The following AP3S1 variants were observed in gnomAD, a reference collection of about 807,000 sequenced individuals.
The protein encoded by AP3S1 is adaptor related protein complex 3 subunit sigma 1, also known as AP-3 complex subunit sigma-1.
A neutral mutation model predicts 21.3 loss-of-function variants in AP3S1; 12 were observed. The ratio of observed to expected loss-of-function variants is 0.56; its 90% CI spans 0.36 to 0.91. The LOEUF (loss-of-function observed/expected upper bound fraction) is 0.91, where lower values mean the gene tolerates loss of function less well. AP3S1 is among the 40% of genes least tolerant of loss of function. The pLI is 0.01. For synonymous variants in AP3S1, 48 were observed against 78.4 expected (o/e 0.61, Z 2.05); for missense variants, 116 against 225.0 (o/e 0.52, Z 3.10).
chr5:115,900,478 C>T (rs1306546282), intron 4 of AP3S1, among the ~76,000 whole-genome samples: 1 of 152,154 alleles, frequency 6.6e-6, no homozygotes, highest in Non-Finnish European at 1.5e-5. Flanking sequence ...GTTCTAAACT[C>T]ATTTTATTCA....
chr5:115,903,176 A>T, intron 5 of AP3S1, 184 bp downstream of exon 5: 1 of 440,070 alleles, frequency 2.3e-6, no homozygotes, highest in South Asian at 2.6e-5. Context: ...TTCTCTACCC[A>T]ACAGCTTTGT....
intron 1 of AP3S1, among the ~76,000 whole-genome samples, chr5:115,849,082 A>G (rs555733738): frequency 1.2e-4 from 19 of 152,282 alleles, no homozygotes; most frequent in Middle Eastern, 3.4e-3. Context: ...TTTCCTGTCC[A>G]TATTCTTTCA....
At chr5:115,881,777 A>G (rs530841880) in intron 3 of AP3S1, among the ~76,000 whole-genome samples, 3 of 152,240 alleles carry the variant, frequency 2.0e-5, no homozygotes, top group Non-Finnish European at 2.9e-5. Context: ...CCTCCTGGAT[A>G]ATATCCTGAA....
chr5:115,880,829 T>C (rs540869041), intron 3 of AP3S1, among the ~76,000 whole-genome samples: 169 of 152,100 alleles, frequency 1.1e-3, no homozygotes, highest in Middle Eastern at 6.8e-3. Context: ...TATGTGGGAG[T>C]CTGAATCTCT....
At chr5:115,901,638 T>A (rs960379217) in intron 4 of AP3S1, among the ~76,000 whole-genome samples, 2 of 151,684 alleles carry the variant, frequency 1.3e-5, no homozygotes, top group Non-Finnish European at 2.9e-5. Flanking sequence ...CACTGCACCC[T>A]CCACTTCCCG....
At position 115,886,163 on chromosome 5, in the gene AP3S1, G is replaced by A. The variant is rs1054369192; in HGVS notation, c.274-8924G>A. Among the ~76,000 whole-genome samples the A allele has an allele frequency of 2.6e-5, 4 of 152,166 alleles. No individual in the cohort carries two copies. In the South Asian group the frequency reaches 6.2e-4, roughly 24 times the overall value. ...TTGATGATAAAAGTAGTTGCCTTATGGGATTACTGCAAAGGCTCAAATAAA... is the reference window on the plus strand; with the variant it reads ...TTGATGATAAAAGTAGTTGCCTTATAGGATTACTGCAAAGGCTCAAATAAA... On this transcript the variant is annotated intron_variant, in intron 3 of 5. Coordinates refer to ENST00000316788, the MANE Select transcript of AP3S1 (RefSeq NM_001284.4).
At chr5:115,862,668 G>T (rs538978061) in intron 1 of AP3S1, among the ~76,000 whole-genome samples, 1 of 152,314 alleles carries the variant, frequency 6.6e-6, no homozygotes, top group South Asian at 2.1e-4. Flanking sequence ...GCTGTGTGAT[G>T]CTAATCATCT....
At chr5:115,882,067 C>G (rs985551016) in intron 3 of AP3S1, among the ~76,000 whole-genome samples, 2 of 151,918 alleles carry the variant, frequency 1.3e-5, no homozygotes, top group East Asian at 3.9e-4. Flanking sequence ...TTATGTTCCT[C>G]TCTAAACTGG....
intron 3 of AP3S1, among the ~76,000 whole-genome samples, chr5:115,883,021 A>T (rs549314858): frequency 6.6e-4 from 101 of 152,308 alleles, no homozygotes; most frequent in Non-Finnish European, 1.0e-3. Flanking sequence ...CCGCCTACTC[A>T]AGTCTCAATA....
chr5:115,895,180 C>T (rs766172822), intron 4 of AP3S1, 22 bp downstream of exon 4: 66 of 1,516,396 alleles, frequency 4.4e-5, no homozygotes, highest in Non-Finnish European at 5.8e-5. Context: ...ATTGTCACAT[C>T]TAAGCTTTTT....
At chr5:115,871,706 T>C (rs1367889187) in intron 3 of AP3S1, among the ~76,000 whole-genome samples, 2 of 152,090 alleles carry the variant, frequency 1.3e-5, no homozygotes, top group Non-Finnish European at 2.9e-5. Flanking sequence ...GTAACCATAT[T>C]TACCAGTCTC....
chr5:115,904,118 A>G (rs1031872863), intron 5 of AP3S1: 1 of 152,068 alleles, frequency 6.6e-6, no homozygotes, highest in African/African-American at 2.4e-5. Flanking sequence ...TATCTCATTC[A>G]CCACCCAACT....
Position 115,866,772 on chromosome 5 carries a change from C to T in AP3S1, c.161+11C>T. ...CCTAGAAGGAGGATTGTAAGTAAAG[C>T]ATTTCATAGACATTTCTAAGTTTTG... is the stretch of plus-strand genomic sequence containing the variant. On this transcript the variant is annotated intron_variant, in intron 2 of 5. Transcript: ENST00000316788. 3 of 1,540,656 alleles carry T rather than the reference C, an allele frequency of 1.9e-6. No homozygotes were observed. Among genetic ancestry groups the T allele is most frequent in the Non-Finnish European group, 2.7e-6 (3 of 1,120,700 alleles).
intron 3 of AP3S1, among the ~76,000 whole-genome samples, chr5:115,881,870 T>A (rs1303876874): frequency 6.6e-6 from 1 of 152,082 alleles, no homozygotes; most frequent in African/African-American, 2.4e-5. Flanking sequence ...TCATGTAGTG[T>A]CATATTTCTT....
In AP3S1 at chr5:115,896,104, T is replaced by G. The variant is rs193257223; in HGVS notation, c.345+946T>G. ...TTTAGCAAAAAAAATCCAGTGTGAT[T>G]TTTAAAAATTGGCTTTATTGAGGCA... On this transcript the variant is annotated intron_variant, in intron 4 of 5. Coordinates refer to ENST00000316788, the MANE Select transcript of AP3S1 (RefSeq NM_001284.4). Among the ~76,000 whole-genome samples the G allele has an allele frequency of 3.6e-3, 552 of 152,266 alleles. 1 individual carries two copies. The highest frequency in any genetic ancestry group is 0.013 in the African/African-American group (532 of 41,562).
chr5:115,869,790 T>G (rs948099667), intron 2 of AP3S1, among the ~76,000 whole-genome samples: 1 of 152,232 alleles, frequency 6.6e-6, no homozygotes, highest in African/African-American at 2.4e-5. Flanking sequence ...AATAGTTTAA[T>G]GAATGAATGA....
chr5:115,910,089 C>A (rs1751976133), intron 5 of AP3S1, among the ~76,000 whole-genome samples: 3 of 151,732 alleles, frequency 2.0e-5, no homozygotes, highest in Admixed American at 2.0e-4. Context: ...ACAGTGAGAC[C>A]CCATCTCTAC....
At chr5:115,868,982 G>GGAGGGAGGGAGGGAGAGA (rs370348113) in intron 2 of AP3S1, among the ~76,000 whole-genome samples, 2 of 99,420 alleles carry the variant, frequency 2.0e-5, no homozygotes, top group Non-Finnish European at 2.3e-5. Flanking sequence ...AGGGAGGGAG[G>GGAGGGAGGGAGGGAGAGA]GAGAGATGCC....
At chr5:115,901,117 A>G (rs1456827671) in intron 4 of AP3S1, among the ~76,000 whole-genome samples, 2 of 152,090 alleles carry the variant, frequency 1.3e-5, no homozygotes, top group Non-Finnish European at 2.9e-5. Flanking sequence ...TCCTAACTTA[A>G]TTTCTCATTC....
Sources: gnomAD v4.1 joint callset for allele counts (sites outside exome capture counted in the v4.1 genomes callset) on GRCh38, gnomAD v4.1.1 for gene constraint, MANE v1.5 for transcripts, NCBI Gene and HGNC (gene_info 2026-07-23, HGNC 2026-07-21) for gene names.